The following STIL variants were observed in gnomAD, a reference collection of about 807,000 sequenced individuals.
The protein encoded by STIL is STIL centriolar assembly protein.
In STIL, 55 loss-of-function variants were observed where a neutral mutation model predicts 110.1. That is an observed-to-expected ratio of 0.50 (90% CI 0.40 to 0.63). STIL has a LOEUF of 0.63. STIL is among the 20% of genes least tolerant of loss of function. STIL has a pLI of 0.00. For missense variants in STIL, 1,358 were observed against 1,530.0 expected, an observed-to-expected ratio of 0.89 and a Z score of 1.87; for synonymous variants, 481 against 530.0, an observed-to-expected ratio of 0.91 and a Z score of 1.27.
rs587784448 is a variant in STIL, at chr1:47,280,434, GAAC to G, written c.2021_2023del (p.Cys674del). The G allele has an allele frequency of 2.4e-5, 39 of 1,614,194 alleles. No homozygotes were observed. The Middle Eastern group carries it at 5.8e-3, about 239-fold the overall frequency. On this transcript the variant is annotated inframe_deletion, in exon 12 of 17. Coordinates refer to ENST00000371877, the MANE Select transcript of STIL (RefSeq NM_001048166.1). ...CGATGGTTCAATATTGCTGTGGGGA[GAAC>G]AACTGCCCATATCTCCCTGAGGTCT...
chr1:47,302,227 G>GT lies in STIL; in HGVS notation c.265+6dup. 1 of 1,600,074 alleles carries GT rather than the reference G, an allele frequency of 6.2e-7. No homozygotes were observed. The highest frequency in any genetic ancestry group is 8.6e-7 in the Non-Finnish European group (1 of 1,167,392). ...TGAGCACTGGTCCATTTTTAAAAGTGTATTACCTTCGTCTGCTGTCAGAGA... is the reference window on the plus strand; with the variant it reads ...TGAGCACTGGTCCATTTTTAAAAGTGTTATTACCTTCGTCTGCTGTCAGAGA... On this transcript the variant is annotated splice_region_variant and intron_variant, in intron 4 of 16. Coordinates refer to ENST00000371877, the MANE Select transcript of STIL (RefSeq NM_001048166.1).
At chr1:47,265,257 A>AAAAAAAAAAAAAAAAAAAAAAAAAAAG (rs1557714156) in intron 14 of STIL, among the ~76,000 whole-genome samples, 1 of 150,752 alleles carries the variant, frequency 6.6e-6, no homozygotes, top group East Asian at 2.0e-4. Context: ...AAAAAAAAAA[A>AAAAAAAAAAAAAAAAAAAAAAAAAAAG]AAACACAAGA....
At chr1:47,305,857 G>A (rs959954030) in intron 2 of STIL, among the ~76,000 whole-genome samples, 12 of 141,988 alleles carry the variant, frequency 8.5e-5, no homozygotes, top group South Asian at 2.4e-4. Context: ...TCAGCCTCCC[G>A]AGTAGCTAGG....
At chr1:47,275,626 T>G (rs927047104) in intron 12 of STIL, among the ~76,000 whole-genome samples, 1 of 150,100 alleles carries the variant, frequency 6.7e-6, no homozygotes, top group Non-Finnish European at 1.5e-5. Context: ...AATAAATAAA[T>G]AAGATTTTTT....
At chr1:47,313,352 T>A (rs79593824) in intron 1 of STIL, among the ~76,000 whole-genome samples, 397 of 111,696 alleles carry the variant, frequency 3.6e-3, no homozygotes, top group Non-Finnish European at 5.9e-3. Context: ...AAATTTTTTT[T>A]AAAAAGCCGA....
intron 16 of STIL, among the ~76,000 whole-genome samples, chr1:47,258,152 C>G (rs12123358): frequency 0.25 from 38,449 of 152,122 alleles, 5,214 homozygotes; most frequent in Non-Finnish European, 0.31. Context: ...AGTTGGTTCT[C>G]AGTTCTGACA....
chr1:47,289,633 T>C (rs758387878), intron 8 of STIL, 48 bp from the exon 9 acceptor site: 2 of 1,516,626 alleles, frequency 1.3e-6, no homozygotes, highest in African/African-American at 1.4e-5. Flanking sequence ...GATAACATGA[T>C]GACACTCAAA....
At chr1:47,270,389 G>A (rs188437849) in intron 13 of STIL, among the ~76,000 whole-genome samples, 160 of 150,086 alleles carry the variant, frequency 1.1e-3, no homozygotes, top group African/African-American at 3.7e-3. Flanking sequence ...GGGACGGGTC[G>A]GGTGGAAGGG....
intron 8 of STIL, among the ~76,000 whole-genome samples, chr1:47,290,602 C>T (rs972230148): frequency 1.3e-5 from 2 of 151,598 alleles, no homozygotes; most frequent in Non-Finnish European, 2.9e-5. Flanking sequence ...ACTCGGGAGG[C>T]TGAGGCAGGA....
At chr1:47,257,291 T>C (rs1243511994) in intron 16 of STIL, among the ~76,000 whole-genome samples, 4 of 152,178 alleles carry the variant, frequency 2.6e-5, no homozygotes, top group African/African-American at 7.2e-5. Context: ...GGAAACTAAA[T>C]TTAACTCTTA....
chr1:47,297,679 C>G (rs1273528503), intron 6 of STIL, among the ~76,000 whole-genome samples: 1 of 151,920 alleles, frequency 6.6e-6, no homozygotes, highest in African/African-American at 2.4e-5. Context: ...CCTTGAAATC[C>G]TAAGCTCAAG....
chr1:47,296,160 A>T (rs1645636776), intron 6 of STIL, among the ~76,000 whole-genome samples: 1 of 152,218 alleles, frequency 6.6e-6, no homozygotes, highest in Admixed American at 6.5e-5. Context: ...TGTTAACATT[A>T]AGGTAGGCAG....
At chr1:47,301,437 G>C in intron 5 of STIL, 124 bp downstream of exon 5, 1 of 1,115,048 alleles carries the variant, frequency 9.0e-7, no homozygotes, top group Non-Finnish European at 1.3e-6. Flanking sequence ...TGGATTTTAG[G>C]TTCACAATAA....
chr1:47,251,164 C>T lies in STIL; in HGVS notation c.3839G>A (p.Arg1280His), dbSNP rs372680224. 3.6e-5 allele frequency: 58 copies of T among 1,613,598 alleles called. No individual in the cohort carries two copies. The highest frequency in any genetic ancestry group is 1.3e-4 in the South Asian group (12 of 90,916). Residue 1280 changes from arginine (R) to histidine (H), a missense_variant, in exon 17 of 17, where the codon CGT becomes CAT. Transcript: ENST00000371877. ...AAATAATTTTGGTAACTGTCTGAGA[C>T]GTTTTACATCTAAGAAGGTGCCTAC... ...NSVGTFLDVK[R>H]LRQLPKLF
chr1:47,290,675 C>T (rs1185711794), intron 8 of STIL, among the ~76,000 whole-genome samples: 2 of 151,082 alleles, frequency 1.3e-5, no homozygotes, highest in Non-Finnish European at 2.9e-5. Context: ...AGCACTCCAG[C>T]CCGGGCAACA....
At chr1:47,310,694 A>G (rs1333874340) in intron 1 of STIL, among the ~76,000 whole-genome samples, 3 of 152,188 alleles carry the variant, frequency 2.0e-5, no homozygotes, top group African/African-American at 7.2e-5. Flanking sequence ...TTTTGACCAA[A>G]AACCTTACAA....
At chr1:47,292,555 A>G (rs1325643102) in intron 8 of STIL, among the ~76,000 whole-genome samples, 10 of 152,246 alleles carry the variant, frequency 6.6e-5, no homozygotes, top group African/African-American at 2.4e-4. Flanking sequence ...ATGTATATTA[A>G]ATCTGTATAT....
chr1:47,297,661 T>C (rs9436394), intron 6 of STIL, among the ~76,000 whole-genome samples: 33,462 of 151,820 alleles, frequency 0.22, 4,358 homozygotes, highest in East Asian at 0.52. Context: ...TATTGTAGCT[T>C]ACTGCAGCCT....
intron 14 of STIL, among the ~76,000 whole-genome samples, chr1:47,266,018 T>C (rs1644644786): frequency 6.6e-6 from 1 of 152,012 alleles, no homozygotes; most frequent in Non-Finnish European, 1.5e-5. Flanking sequence ...TCGGTTCACT[T>C]TGGCCTCCCA....
Sources: gnomAD v4.1 joint callset for allele counts (sites outside exome capture counted in the v4.1 genomes callset) on GRCh38, gnomAD v4.1.1 for gene constraint, MANE v1.5 for transcripts, NCBI Gene and HGNC (gene_info 2026-07-23, HGNC 2026-07-21) for gene names.